GRM3: variants seen among roughly 807,000 people sequenced by gnomAD.
GRM3 encodes the protein glutamate metabotropic receptor 3, also known as metabotropic glutamate receptor 3.
Under a neutral mutation model 70.5 loss-of-function variants are expected in GRM3, and 26 were observed. That is an observed-to-expected ratio of 0.37 (90% CI 0.27 to 0.51). GRM3 has a LOEUF of 0.51. Ranked by LOEUF, GRM3 falls within the 20% of genes least tolerant of loss-of-function variation. The pLI, the probability that GRM3 is intolerant of heterozygous loss-of-function variation, is 0.93. For synonymous variants in GRM3, 443 were observed against 434.9 expected (o/e 1.02, Z -0.23); for missense variants, 859 against 1,123.8 (o/e 0.76, Z 3.37).
At chr7:86,727,426 G>A (rs1279088000) in intron 1 of GRM3, among the ~76,000 whole-genome samples, 1 of 152,124 alleles carries the variant, frequency 6.6e-6, no homozygotes, top group Middle Eastern at 3.2e-3. Flanking sequence ...CTCAGAAAAG[G>A]GAATTAGTGA....
intron 1 of GRM3, among the ~76,000 whole-genome samples, chr7:86,708,675 A>G (rs1024571476): frequency 2.0e-5 from 3 of 152,118 alleles, no homozygotes; most frequent in African/African-American, 7.2e-5. Context: ...TACTGAGTCC[A>G]CTATTGGAAG....
At position 86,773,525 on chromosome 7, in the gene GRM3, C is replaced by A. The variant is rs145872034; in HGVS notation, c.468+7912C>A. On this transcript the variant is annotated intron_variant, in intron 2 of 5. Coordinates refer to ENST00000361669, the MANE Select transcript of GRM3 (RefSeq NM_000840.3). ...ATAGCTTGCCTCCCACACCAACCAC[C>A]CCCTCACATAGTCTAAGCTGCAGAA... Among the ~76,000 whole-genome samples the A allele has an allele frequency of 3.2e-3, 486 of 152,084 alleles. 2 individuals carry two copies. The highest frequency in any genetic ancestry group is 0.011 in the African/African-American group (448 of 41,496).
At chr7:86,694,069 C>T (rs80252856) in intron 1 of GRM3, among the ~76,000 whole-genome samples, 4,528 of 152,272 alleles carry the variant, frequency 0.03, 182 homozygotes, top group African/African-American at 0.1. Context: ...TGAATGTTAA[C>T]TCAGTATGGA....
intron 3 of GRM3, among the ~76,000 whole-genome samples, chr7:86,802,589 T>C (rs1449425840): frequency 6.7e-6 from 1 of 149,886 alleles, no homozygotes; most frequent in Non-Finnish European, 1.5e-5. Context: ...TGAGAATCAA[T>C]AGTAAATTGA....
chr7:86,696,512 T>C (rs1008338731), intron 1 of GRM3, among the ~76,000 whole-genome samples: 1 of 152,218 alleles, frequency 6.6e-6, no homozygotes, highest in Non-Finnish European at 1.5e-5. Flanking sequence ...TTCAGACTTA[T>C]GATCTCCAGA....
chr7:86,673,759 T>TC (rs1794232675), intron 1 of GRM3, among the ~76,000 whole-genome samples: 1 of 151,998 alleles, frequency 6.6e-6, no homozygotes, highest in Non-Finnish European at 1.5e-5. Context: ...TCTAATACGC[T>TC]CCTCCTTTGT....
intron 3 of GRM3, among the ~76,000 whole-genome samples, chr7:86,814,525 A>G (rs954698157): frequency 1.3e-5 from 2 of 151,858 alleles, no homozygotes; most frequent in African/African-American, 4.8e-5. Context: ...TGTGGTAGAC[A>G]ATATCAGAAG....
Position 86,838,999 on chromosome 7 carries a change from C to A in GRM3, c.1485C>A (p.Asn495Lys). 6.2e-7 allele frequency: 1 copy of A among 1,614,140 alleles called. No individual in the cohort carries two copies. The highest frequency in any genetic ancestry group is 8.5e-7 in the Non-Finnish European group (1 of 1,180,000). Reference protein sequence around the residue: ...HWAETLSLDVNSIHWSRNSVP... With the variant: ...HWAETLSLDVKSIHWSRNSVP... The stretch of plus-strand genomic sequence containing the variant: ...CAGAAACCTTATCGCTAGATGTCAA[C>A]TCTATCCACTGGTCCCGGAACTCAG... Residue 495 changes from asparagine to lysine, a missense_variant, in exon 4 of 6, where the codon AAC becomes AAA. Coordinates refer to ENST00000361669, the MANE Select transcript of GRM3 (RefSeq NM_000840.3).
intron 1 of GRM3, among the ~76,000 whole-genome samples, chr7:86,703,875 A>T (rs552285557): frequency 2.0e-5 from 3 of 152,080 alleles, no homozygotes; most frequent in Non-Finnish European, 2.9e-5. Context: ...TAGACACTAG[A>T]TATATGTTCA....
chr7:86,700,775 T>C (rs1344916819), intron 1 of GRM3, among the ~76,000 whole-genome samples: 2 of 151,874 alleles, frequency 1.3e-5, no homozygotes, highest in East Asian at 1.9e-4. Flanking sequence ...GTCAGTTACT[T>C]AAAAGAAATT....
chr7:86,778,633 G>A (rs1223398234), intron 2 of GRM3, among the ~76,000 whole-genome samples: 1 of 152,112 alleles, frequency 6.6e-6, no homozygotes, highest in Non-Finnish European at 1.5e-5. Context: ...TAAACTGCCT[G>A]AGATCTTTCT....
chr7:86,750,011 T>C (rs1796193641), intron 1 of GRM3, among the ~76,000 whole-genome samples: 1 of 152,032 alleles, frequency 6.6e-6, no homozygotes, highest in South Asian at 2.1e-4. Flanking sequence ...AAAGAGTAAA[T>C]GAGCATATGT....
chr7:86,680,821 G>C (rs1562823513), intron 1 of GRM3, among the ~76,000 whole-genome samples: 1 of 152,004 alleles, frequency 6.6e-6, no homozygotes, highest in Non-Finnish European at 1.5e-5. Flanking sequence ...TAGCCACCAA[G>C]GACAAACACA....
intron 1 of GRM3, among the ~76,000 whole-genome samples, chr7:86,667,774 ACT>A (rs1794063815): frequency 6.6e-6 from 1 of 152,066 alleles, no homozygotes; most frequent in Non-Finnish European, 1.5e-5. Flanking sequence ...CTAACGGTGT[ACT>A]CTTGAGAAAT....
At position 86,654,967 on chromosome 7, in the gene GRM3, C is replaced by G. The variant is rs544564592; in HGVS notation, c.-141+10095C>G. On this transcript the variant is annotated intron_variant, in intron 1 of 5. Transcript: ENST00000361669. ...GAGGGATGTACAAAAGTGAGAGAAGCTGGAAAAGGAAGTATTGCCACCAGA... is the reference window on the plus strand; with the variant it reads ...GAGGGATGTACAAAAGTGAGAGAAGGTGGAAAAGGAAGTATTGCCACCAGA... 3.3e-5 allele frequency among the ~76,000 whole-genome samples: 5 copies of G among 152,278 alleles called. No homozygotes were observed. In the South Asian group the frequency reaches 6.2e-4, roughly 19 times the overall value.
intron 3 of GRM3, among the ~76,000 whole-genome samples, chr7:86,827,127 T>C (rs899504259): frequency 2.6e-5 from 4 of 152,154 alleles, no homozygotes; most frequent in Non-Finnish European, 5.9e-5. Context: ...TCCATTTCCT[T>C]AAGGTCAAAC....
chr7:86,742,060 G>A (rs1696809981), intron 1 of GRM3, among the ~76,000 whole-genome samples: 1 of 152,102 alleles, frequency 6.6e-6, no homozygotes, highest in African/African-American at 2.4e-5. Context: ...CATCATCTGG[G>A]GCAGCTCAAG....
chr7:86,727,141 T>C (rs1795610971), intron 1 of GRM3, among the ~76,000 whole-genome samples: 2 of 152,088 alleles, frequency 1.3e-5, no homozygotes, highest in Non-Finnish European at 2.9e-5. Context: ...AGACAGAAGA[T>C]GATATAGTGC....
intron 1 of GRM3, among the ~76,000 whole-genome samples, chr7:86,761,616 A>G (rs1351740642): frequency 1.3e-5 from 2 of 152,182 alleles, no homozygotes; most frequent in Non-Finnish European, 2.9e-5. Flanking sequence ...CCTTCAAGAA[A>G]CATTCGTTGA....
Sources: gnomAD v4.1 joint callset for allele counts (sites outside exome capture counted in the v4.1 genomes callset) on GRCh38, gnomAD v4.1.1 for gene constraint, MANE v1.5 for transcripts, NCBI Gene and HGNC (gene_info 2026-07-23, HGNC 2026-07-21) for gene names.